Variants in NAPEPLD observed in about 807,000 individuals in gnomAD.
NAPEPLD encodes the protein N-acyl phosphatidylethanolamine phospholipase D, also known as N-acyl-phosphatidylethanolamine-hydrolyzing phospholipase D.
NAPEPLD carries 23 observed loss-of-function variants against 38.1 expected under a neutral mutation model. The observed-to-expected ratio is 0.60, with a 90% confidence interval of 0.43 to 0.86. The LOEUF is 0.86. Ranked by LOEUF, NAPEPLD falls within the 40% of genes least tolerant of loss-of-function variation. The probability of loss-of-function intolerance (pLI) is 0.00; values close to 1 mark genes in which losing one functional copy is unlikely to be tolerated. For synonymous variants in NAPEPLD, 147 were observed against 162.0 expected (o/e 0.91, Z 0.71); for missense variants, 411 against 476.8 (o/e 0.86, Z 1.28).
rs901551347 is a variant in NAPEPLD, at chr7:103,102,708, T to A, written c.*721A>T. 2 of 152,338 alleles carry A rather than the reference T, an allele frequency of 1.3e-5. No homozygotes were observed. The highest frequency in any genetic ancestry group is 6.5e-5 in the Admixed American group (1 of 15,274). 9.4% of individuals were successfully genotyped at this position (152,338 alleles called of 1,614,324 possible). On this transcript the variant is annotated 3_prime_UTR_variant, in exon 5 of 5. Transcript: ENST00000465647. ...AAAGAATATACTGTTCTTTTAAAAATTTAAGTGAATGGTGGTCATGGGTGC... is the reference window on the plus strand; with the variant it reads ...AAAGAATATACTGTTCTTTTAAAAAATTAAGTGAATGGTGGTCATGGGTGC...
At chr7:103,117,518 C>T (rs1259811479) in intron 3 of NAPEPLD, among the ~76,000 whole-genome samples, 1 of 152,170 alleles carries the variant, frequency 6.6e-6, no homozygotes, top group Non-Finnish European at 1.5e-5. Context: ...ACAGGAGATT[C>T]CCTAAAGTAA....
In NAPEPLD at chr7:103,119,822, C is replaced by T; in HGVS notation, c.696G>A (p.Trp232Ter). The change falls in exon 3 of 5, where the codon TGG becomes TGA. Residue 232 changes from tryptophan to a stop codon, truncating the protein, a stop_gained. Transcript: ENST00000465647. LOFTEE classifies it high-confidence loss of function. ...GTCCGGGGACACAATTCTCCTCCCA[C>T]CAGTCCAACTCAATCACATTCTCAC... The part of the protein sequence containing the change: ...CGCENVIELD[W>*]WEENCVPGHD... 1 of 1,614,186 alleles carries T rather than the reference C, an allele frequency of 6.2e-7. No individual in the cohort carries two copies. The highest frequency in any genetic ancestry group is 8.5e-7 in the Non-Finnish European group (1 of 1,180,042).
At chr7:103,118,041 T>A (rs970154958) in intron 3 of NAPEPLD, among the ~76,000 whole-genome samples, 1 of 151,938 alleles carries the variant, frequency 6.6e-6, no homozygotes, top group Non-Finnish European at 1.5e-5. Context: ...ATAAAAAAAC[T>A]AGCCAGGCAT....
In NAPEPLD at chr7:103,100,340, A is replaced by C. The variant is rs1271299523; in HGVS notation, c.*3089T>G. The C allele has an allele frequency of 6.6e-6, 1 of 152,218 alleles. No individual in the cohort carries two copies. Among genetic ancestry groups the C allele is most frequent in the African/African-American group, 2.4e-5 (1 of 41,454 alleles). The allele number at this position is 152,218 out of a possible 1,614,324, so 9.4% of individuals were successfully genotyped here. The stretch of plus-strand genomic sequence containing the variant: ...TTTGTTTTTAATGTGCTTTAGCAGC[A>C]GTAGATTCTAAAACTGTGTCTTCTT... On this transcript the variant is annotated 3_prime_UTR_variant, in exon 5 of 5. Coordinates refer to ENST00000465647, the MANE Select transcript of NAPEPLD (RefSeq NM_001122838.3).
At chr7:103,109,326 C>T (rs1804038418) in intron 4 of NAPEPLD, among the ~76,000 whole-genome samples, 1 of 152,138 alleles carries the variant, frequency 6.6e-6, no homozygotes, top group South Asian at 2.1e-4. Context: ...CTAAAACTCA[C>T]CACATAATTG....
intron 1 of NAPEPLD, among the ~76,000 whole-genome samples, chr7:103,139,867 T>C (rs1810853716): frequency 6.6e-6 from 1 of 152,172 alleles, no homozygotes; most frequent in African/African-American, 2.4e-5. Flanking sequence ...AGAGTGAGGC[T>C]AGAGATATCC....
intron 4 of NAPEPLD, among the ~76,000 whole-genome samples, chr7:103,104,281 G>A (rs998273124): frequency 1.3e-5 from 2 of 152,214 alleles, no homozygotes; most frequent in African/African-American, 4.8e-5. Context: ...GATTATAGAA[G>A]AAAAACATCT....
At chr7:103,106,189 G>A (rs995746200) in intron 4 of NAPEPLD, among the ~76,000 whole-genome samples, 10 of 152,038 alleles carry the variant, frequency 6.6e-5, no homozygotes, top group African/African-American at 9.7e-5. Flanking sequence ...GAGACTGTAC[G>A]GGGAGGAACA....
chr7:103,109,483 C>T (rs1016258463), intron 4 of NAPEPLD, among the ~76,000 whole-genome samples: 3 of 152,146 alleles, frequency 2.0e-5, no homozygotes, highest in Non-Finnish European at 4.4e-5. Context: ...TTCTGAACAA[C>T]CTGCTCCTGA....
intron 1 of NAPEPLD, among the ~76,000 whole-genome samples, chr7:103,134,491 A>T (rs1809626359): frequency 6.6e-6 from 1 of 152,058 alleles, no homozygotes; most frequent in Non-Finnish European, 1.5e-5. Flanking sequence ...CTCTACTAAA[A>T]ATACAAAAAT....
intron 4 of NAPEPLD, among the ~76,000 whole-genome samples, chr7:103,113,398 A>G (rs1019178038): frequency 3.9e-5 from 6 of 152,144 alleles, no homozygotes; most frequent in Non-Finnish European, 8.8e-5. Context: ...GGAGTGGGGG[A>G]ATGGGCAGGC....
chr7:103,133,146 T>C (rs6947777), intron 1 of NAPEPLD, among the ~76,000 whole-genome samples: 138,564 of 152,240 alleles, frequency 0.91, 64,447 homozygotes, highest in East Asian at 1. Context: ...GTTTCTAACC[T>C]TACCCACACT....
rs1009038180 is a variant in NAPEPLD, at chr7:103,140,538, G to A, written c.-17+8273C>T. Among the ~76,000 whole-genome samples the A allele has an allele frequency of 4.6e-5, 7 of 151,984 alleles. No individual in the cohort carries two copies. In the South Asian group the frequency reaches 1.3e-3, roughly 27 times the overall value. The stretch of plus-strand genomic sequence containing the variant: ...CTCCCAAGTGGCTGGGACTACAGGA[G>A]CCCGCCACCACGCCCGGCTAATTTT... On this transcript the variant is annotated intron_variant, in intron 1 of 4. Coordinates refer to ENST00000465647, the MANE Select transcript of NAPEPLD (RefSeq NM_001122838.3).
chr7:103,130,110 T>C (rs1465990053), intron 1 of NAPEPLD, among the ~76,000 whole-genome samples: 1 of 152,214 alleles, frequency 6.6e-6, no homozygotes, highest in African/African-American at 2.4e-5. Context: ...ACAGCACATT[T>C]TATAAGTGGA....
At chr7:103,114,832 T>C (rs1805246810) in intron 4 of NAPEPLD, among the ~76,000 whole-genome samples, 1 of 146,662 alleles carries the variant, frequency 6.8e-6, no homozygotes, top group Admixed American at 7.1e-5. Flanking sequence ...ACTTCAGAAA[T>C]AAGCCAAAAG....
upstream of NAPEPLD, chr7:103,149,409 G>T: frequency 1.6e-6 from 2 of 1,226,330 alleles, no homozygotes; most frequent in Non-Finnish European, 2.1e-6. Context: ...TTCCTAACCC[G>T]AGCCCGCCGC....
rs1231628156 is a variant in NAPEPLD, at chr7:103,100,165, A to AAAAC, written c.*3260_*3263dup. 3 of 152,216 alleles carry AAAAC rather than the reference A, an allele frequency of 2.0e-5. No individual in the cohort carries two copies. Among genetic ancestry groups the AAAAC allele is most frequent in the African/African-American group, 7.2e-5 (3 of 41,456 alleles). 9.4% of individuals were successfully genotyped at this position (152,216 alleles called of 1,614,324 possible). On this transcript the variant is annotated 3_prime_UTR_variant, in exon 5 of 5. Coordinates refer to ENST00000465647, the MANE Select transcript of NAPEPLD (RefSeq NM_001122838.3). ...TAGAAAAAGGACTCAGTATAAGGTG[A>AAAAC]AAACAAAATTCCCAGTGGGCTAGAC... is the stretch of plus-strand genomic sequence containing the variant.
At position 103,115,153 on chromosome 7, in the gene NAPEPLD, A is replaced by G. The variant is rs201755153; in HGVS notation, c.963T>C (p.His321=). The G allele has an allele frequency of 6.8e-6, 11 of 1,613,594 alleles. No individual in the cohort carries two copies. In the Middle Eastern group the frequency reaches 6.6e-4, roughly 97 times the overall value. The change falls in exon 4 of 5, where the codon CAT becomes CAC. Residue 321 remains histidine, a synonymous_variant. Transcript: ENST00000465647. ...YEPRWFMKYQ[H]VDPEEAVRIH... is the part of the protein sequence containing the mutation. ...TCCTTACAGCTTCTTCTGGGTCTAC[A>G]TGCTGGTATTTCATAAACCACCTGA...
In NAPEPLD at chr7:103,115,132, T is replaced by G. The variant is rs1275544425; in HGVS notation, c.984A>C (p.Val328=). Residue 328 remains valine (V), a synonymous_variant, in exon 4 of 5, where the codon GTA becomes GTC. Transcript: ENST00000465647. ...KYQHVDPEEA[V]RIHTDVQTKK... The stretch of plus-strand genomic sequence containing the variant: ...TTGTTTGGACATCAGTGTGAATCCT[T>G]ACAGCTTCTTCTGGGTCTACATGCT... 2 of 1,613,930 alleles carry G rather than the reference T, an allele frequency of 1.2e-6. No individual in the cohort carries two copies.
Sources: gnomAD v4.1 joint callset for allele counts (sites outside exome capture counted in the v4.1 genomes callset) on GRCh38, gnomAD v4.1.1 for gene constraint, MANE v1.5 for transcripts, NCBI Gene and HGNC (gene_info 2026-07-23, HGNC 2026-07-21) for gene names.